Variants in RAB27B observed in about 807,000 individuals in gnomAD.
RAB27B encodes the protein RAB27B, member RAS oncogene family.
Under a neutral mutation model 24.6 loss-of-function variants are expected in RAB27B, and 15 were observed. The observed-to-expected ratio is 0.61, with a 90% CI of 0.41 to 0.94. The LOEUF is 0.94. Among genes scored for constraint, RAB27B ranks in the 40% least tolerant of loss-of-function variants. The pLI is 0.00. For missense variants in RAB27B, 261 were observed against 266.8 expected, an observed-to-expected ratio of 0.98 and a Z score of 0.15; for synonymous variants, 105 against 92.5, an observed-to-expected ratio of 1.14 and a Z score of -0.78.
chr18:54,887,420 G>A (rs1303407619), intron 4 of RAB27B, among the ~76,000 whole-genome samples: 1 of 151,866 alleles, frequency 6.6e-6, no homozygotes, highest in African/African-American at 2.4e-5. Context: ...ATTATTAGAA[G>A]ATATGCTGTA....
At chr18:54,882,864 G>T (rs1912982008) in intron 3 of RAB27B, among the ~76,000 whole-genome samples, 1 of 152,086 alleles carries the variant, frequency 6.6e-6, no homozygotes, top group South Asian at 2.1e-4. Context: ...GTCGTTAGTA[G>T]AGCATTGATA....
chr18:54,732,412 C>T (rs941480908), intron 2 of RAB27B, among the ~76,000 whole-genome samples: 5 of 152,072 alleles, frequency 3.3e-5, no homozygotes, highest in Non-Finnish European at 7.4e-5. Context: ...AAATCTTGGC[C>T]AACATCCCCA....
chr18:54,812,452 A>C (rs1175306327), intron 2 of RAB27B, among the ~76,000 whole-genome samples: 1 of 152,010 alleles, frequency 6.6e-6, no homozygotes, highest in Non-Finnish European at 1.5e-5. Context: ...TAAATAAAGA[A>C]GTTTCATTAC....
At chr18:54,850,303 C>G (rs1911508701) in intron 1 of RAB27B, among the ~76,000 whole-genome samples, 1 of 121,192 alleles carries the variant, frequency 8.3e-6, no homozygotes, top group Non-Finnish European at 1.7e-5. Flanking sequence ...TGAAGTATAC[C>G]TGTATATTTA....
rs974459181 is a variant in RAB27B, at chr18:54,822,079, T to A, written c.-19-55488T>A. Among the ~76,000 whole-genome samples the A allele has an allele frequency of 2.0e-5, 3 of 152,196 alleles. No individual in the cohort carries two copies. In the East Asian group the frequency reaches 5.8e-4, roughly 29 times the overall value. On this transcript the variant is annotated intron_variant, in intron 2 of 4. Coordinates refer to the RAB27B transcript ENST00000586570. ...ACTAGCTGTTATTCTTTACAACTTA[T>A]ATCATCATATATGGCCAAAAAATAA...
chr18:54,828,574 C>G lies in RAB27B; in HGVS notation c.-146C>G, dbSNP rs867793503. 1 of 152,434 alleles carries G rather than the reference C, an allele frequency of 6.6e-6. No individual in the cohort carries two copies. Among genetic ancestry groups the G allele is most frequent in the Admixed American group, 6.5e-5 (1 of 15,290 alleles). The allele number at this position is 152,434 out of a possible 1,614,324, so 9.4% of individuals were successfully genotyped here. A position where few individuals can be genotyped will look rare whatever the true frequency, so the allele number is the denominator to read the frequency against. On this transcript the variant is annotated 5_prime_UTR_variant, in exon 1 of 6. In the 5' UTR this introduces an upstream ATG that the reference lacks. Coordinates refer to ENST00000262094, the MANE Select transcript of RAB27B (RefSeq NM_004163.4). ...GATAAGTAGCTGTCCCCGTGCTCATCGCCCTGTGGAGCAGATCCTGTCTCC... is the reference window on the plus strand; with the variant it reads ...GATAAGTAGCTGTCCCCGTGCTCATGGCCCTGTGGAGCAGATCCTGTCTCC...
At chr18:54,884,263 C>G in intron 3 of RAB27B, 70 bp from the exon 4 acceptor site, 1 of 934,130 alleles carries the variant, frequency 1.1e-6, no homozygotes, top group Non-Finnish European at 1.7e-6. Context: ...GAAAGGGAAA[C>G]TGTTATTTGT....
At chr18:54,886,858 A>G (rs1454575798) in intron 4 of RAB27B, among the ~76,000 whole-genome samples, 1 of 152,096 alleles carries the variant, frequency 6.6e-6, no homozygotes, top group East Asian at 1.9e-4. Context: ...TTCTTCCTCT[A>G]GTCTTGGCAA....
At chr18:54,781,798 T>C (rs534545109) in intron 2 of RAB27B, among the ~76,000 whole-genome samples, 8 of 152,320 alleles carry the variant, frequency 5.3e-5, no homozygotes, top group Admixed American at 1.3e-4. Flanking sequence ...ATCAAGTGGC[T>C]GTGATATCTA....
intron 2 of RAB27B, among the ~76,000 whole-genome samples, chr18:54,740,296 C>T (rs1357473942): frequency 6.6e-6 from 1 of 152,204 alleles, no homozygotes; most frequent in Non-Finnish European, 1.5e-5. Flanking sequence ...ACATTGTCCT[C>T]CTAACCCCTT....
At chr18:54,868,784 G>A (rs1280703894) in intron 1 of RAB27B, among the ~76,000 whole-genome samples, 3 of 152,026 alleles carry the variant, frequency 2.0e-5, no homozygotes, top group African/African-American at 7.3e-5. Flanking sequence ...GTGCCACCAC[G>A]CCTGGCAAAT....
chr18:54,811,029 A>G (rs1340808323), intron 2 of RAB27B, among the ~76,000 whole-genome samples: 2 of 152,024 alleles, frequency 1.3e-5, no homozygotes, highest in Admixed American at 1.3e-4. Flanking sequence ...GTTACCTGAA[A>G]CGAATACATT....
intron 2 of RAB27B, among the ~76,000 whole-genome samples, chr18:54,808,101 T>C (rs1270975136): frequency 6.6e-6 from 1 of 152,234 alleles, no homozygotes; most frequent in East Asian, 1.9e-4. Flanking sequence ...TTACATATTA[T>C]ATAATTTTGA....
chr18:54,875,319 C>A (rs533576375), intron 1 of RAB27B, among the ~76,000 whole-genome samples: 1 of 152,204 alleles, frequency 6.6e-6, no homozygotes, highest in South Asian at 2.1e-4. Flanking sequence ...AGAGTGAGAT[C>A]CTGTCTTCTC....
intron 1 of RAB27B, 26 bp from the exon 2 acceptor site, chr18:54,877,541 A>G (rs775025090): frequency 7.5e-7 from 1 of 1,340,296 alleles, no homozygotes; most frequent in Non-Finnish European, 9.7e-7. Flanking sequence ...TAATCAAAAC[A>G]TACTTGTTTT....
At chr18:54,721,214 C>T (rs915940119) in intron 2 of RAB27B, among the ~76,000 whole-genome samples, 5 of 152,106 alleles carry the variant, frequency 3.3e-5, no homozygotes, top group African/African-American at 7.2e-5. Context: ...AGGACACATA[C>T]GCAATGTGTT....
intron 1 of RAB27B, among the ~76,000 whole-genome samples, chr18:54,848,441 A>G (rs1646172192): frequency 6.6e-6 from 1 of 152,224 alleles, no homozygotes. Flanking sequence ...CTATTTCCCC[A>G]GACTACAGGT....
intron 1 of RAB27B, among the ~76,000 whole-genome samples, chr18:54,840,198 A>T (rs2145199053): frequency 6.6e-6 from 1 of 152,298 alleles, no homozygotes; most frequent in Middle Eastern, 3.4e-3. Context: ...TTGTAGTACA[A>T]ATCATGGGTA....
chr18:54,759,175 C>G (rs960907698), intron 2 of RAB27B, among the ~76,000 whole-genome samples: 1 of 151,932 alleles, frequency 6.6e-6, no homozygotes, highest in Non-Finnish European at 1.5e-5. Context: ...AAAGTTAGTA[C>G]CATCATTGTC....
Sources: allele counts gnomAD v4.1 joint callset (sites outside exome capture counted in the v4.1 genomes callset), GRCh38; gene constraint gnomAD v4.1.1; transcripts MANE v1.5; gene names NCBI Gene and HGNC (gene_info 2026-07-23, HGNC 2026-07-21).